KRABD3: variants seen among roughly 807,000 people sequenced by gnomAD.
The protein encoded by KRABD3 is KRAB domain containing 3.
chr7:149,721,005 G>T, the KRABD3 span: 1 of 1,612,628 alleles, frequency 6.2e-7, no homozygotes, highest in South Asian at 1.1e-5. Context: ...GTCAGACAGT[G>T]GGGCAGTGCA....
At chr7:149,716,696 A>AT in the KRABD3 span, among the ~76,000 whole-genome samples, 1 of 152,164 alleles carries the variant, frequency 6.6e-6, no homozygotes, top group Non-Finnish European at 1.5e-5. Flanking sequence ...AAGAGCTGGG[A>AT]TATATTTAGT....
chr7:149,718,502 C>T, the KRABD3 span, among the ~76,000 whole-genome samples: 2 of 149,486 alleles, frequency 1.3e-5, no homozygotes, highest in Non-Finnish European at 1.5e-5. Flanking sequence ...ACTTTAAAGT[C>T]CACTGAAGGA....
At chr7:149,733,072 C>T in the KRABD3 span, 2 of 1,075,824 alleles carry the variant, frequency 1.9e-6, no homozygotes, top group East Asian at 4.8e-5. Flanking sequence ...TCAGGCCTCA[C>T]CCACCTTCCT....
chr7:149,717,623 A>G, the KRABD3 span, among the ~76,000 whole-genome samples: 1 of 152,178 alleles, frequency 6.6e-6, no homozygotes, highest in Non-Finnish European at 1.5e-5. Context: ...GCAGCATCTC[A>G]CTGCCCATCA....
chr7:149,733,509 C>T, the KRABD3 span: 1 of 1,589,350 alleles, frequency 6.3e-7, no homozygotes, highest in Non-Finnish European at 8.6e-7. Flanking sequence ...GGCCAAGCTT[C>T]CTGGATGTGG....
At chr7:149,728,802 C>A in the KRABD3 span, 2 of 1,103,558 alleles carry the variant, frequency 1.8e-6, no homozygotes, top group Admixed American at 2.8e-5. Flanking sequence ...CTGGGCAGAG[C>A]CTTGTTGGAG....
chr7:149,733,508 T>C, the KRABD3 span: 2 of 1,588,944 alleles, frequency 1.3e-6, no homozygotes, highest in Non-Finnish European at 1.7e-6. Flanking sequence ...GGGCCAAGCT[T>C]CCTGGATGTG....
At chr7:149,728,104 G>C in the KRABD3 span, among the ~76,000 whole-genome samples, 105 of 152,392 alleles carry the variant, frequency 6.9e-4, no homozygotes, top group African/African-American at 2.5e-3. Context: ...TTGCATGCAT[G>C]TTGGCCCGCC....
the KRABD3 span, among the ~76,000 whole-genome samples, chr7:149,716,529 C>T: frequency 3.9e-5 from 6 of 152,248 alleles, no homozygotes; most frequent in Non-Finnish European, 8.8e-5. Flanking sequence ...AACCCTCACT[C>T]TTTGCTTTTT....
At chr7:149,725,407 AC>A in the KRABD3 span, 1 of 1,611,500 alleles carries the variant, frequency 6.2e-7, no homozygotes, top group Non-Finnish European at 8.5e-7. Context: ...GCTGCCACCC[AC>A]TTCTTGTTCC....
At chr7:149,726,226 G>A in the KRABD3 span, among the ~76,000 whole-genome samples, 7 of 152,168 alleles carry the variant, frequency 4.6e-5, no homozygotes, top group East Asian at 1.9e-4. Context: ...GTGGGTTGTG[G>A]GAGCCTAGGG....
chr7:149,722,853 C>T, the KRABD3 span: 1 of 1,613,596 alleles, frequency 6.2e-7, no homozygotes, highest in Non-Finnish European at 8.5e-7. Context: ...TGCCTGGGCC[C>T]CGGCACCCCG....
At chr7:149,725,283 A>C in the KRABD3 span, 1 of 1,534,366 alleles carries the variant, frequency 6.5e-7, no homozygotes, top group African/African-American at 1.4e-5. Flanking sequence ...AATGTGTGGG[A>C]GATGGTAACA....
At chr7:149,719,399 C>A in the KRABD3 span, 1 of 793,744 alleles carries the variant, frequency 1.3e-6, no homozygotes, top group Non-Finnish European at 1.9e-6. The surrounding 1 kb of genome is among the most constrained non-coding windows in gnomAD (Gnocchi z 5.6). Flanking sequence ...CCAGCACTGT[C>A]TCTTGAGGGG....
the KRABD3 span, chr7:149,722,844 G>T: frequency 6.2e-7 from 1 of 1,613,390 alleles, no homozygotes; most frequent in Non-Finnish European, 8.5e-7. Flanking sequence ...AAATCCTTGT[G>T]CCTGGGCCCC....
the KRABD3 span, among the ~76,000 whole-genome samples, chr7:149,720,310 G>C: frequency 9.2e-5 from 14 of 152,284 alleles, no homozygotes; most frequent in Non-Finnish European, 2.1e-4. Flanking sequence ...AGCACTCAGA[G>C]AAAGCCTGGG....
chr7:149,721,522 T>G, the KRABD3 span: 2 of 1,611,504 alleles, frequency 1.2e-6, no homozygotes, highest in Non-Finnish European at 1.7e-6. Context: ...TCCAGGGAAG[T>G]CCTCTCCCCA....
chr7:149,727,569 G>A, the KRABD3 span, among the ~76,000 whole-genome samples: 2 of 152,150 alleles, frequency 1.3e-5, no homozygotes, highest in African/African-American at 2.4e-5. Flanking sequence ...TGCCTTTGTC[G>A]TCAGCATTTG....
the KRABD3 span, chr7:149,726,104 A>T: frequency 1.9e-6 from 3 of 1,550,762 alleles, no homozygotes; most frequent in Non-Finnish European, 1.8e-6. Flanking sequence ...CTGGGAGAGG[A>T]CTCAAGGCCC....
Sources: allele counts gnomAD v4.1 joint callset (sites outside exome capture counted in the v4.1 genomes callset), GRCh38; gene constraint gnomAD v4.1.1; non-coding constraint Gnocchi (gnomAD v3.1); transcripts MANE v1.5; gene names NCBI Gene and HGNC (gene_info 2026-07-23, HGNC 2026-07-21).